The following MBNL3 variants were observed in gnomAD, a reference collection of about 807,000 sequenced individuals.
MBNL3 encodes the protein muscleblind-like protein 3.
MBNL3 carries 6 observed loss-of-function variants against 24.5 expected under a neutral mutation model. The ratio of observed to expected loss-of-function variants is 0.25; its 90% CI spans 0.13 to 0.48. The LOEUF (loss-of-function observed/expected upper bound fraction) is 0.48. Ranked by LOEUF, MBNL3 falls within the 20% of genes least tolerant of loss-of-function variation. MBNL3 has a pLI of 0.99. For synonymous variants in MBNL3, 100 were observed against 101.7 expected (o/e 0.98, Z 0.10); for missense variants, 230 against 293.5 (o/e 0.78, Z 1.58).
chrX:132,384,847 A>C, intron 6 of MBNL3, 149 bp from the exon 7 acceptor site: 3 of 425,786 alleles, frequency 7.0e-6, no homozygotes, highest in East Asian at 9.4e-5. Flanking sequence ...CATGTTTACA[A>C]TTACAGATTA....
intron 2 of MBNL3, chrX:132,431,764 C>A (rs1489018532): frequency 8.9e-6 from 1 of 112,089 alleles, no homozygotes. Flanking sequence ...AGATCAATAT[C>A]TATTCCTGTA....
intron 5 of MBNL3, among the ~76,000 whole-genome samples, chrX:132,387,275 A>G (rs1485039176): frequency 1.3e-5 from 1 of 78,673 alleles, no homozygotes; most frequent in Non-Finnish European, 2.7e-5. Flanking sequence ...CTGTCTCAAG[A>G]AAAAAAAAAA....
intron 1 of MBNL3, among the ~76,000 whole-genome samples, chrX:132,454,323 C>T (rs1414570581): frequency 9.0e-6 from 1 of 111,238 alleles, no homozygotes; most frequent in Non-Finnish European, 1.9e-5. Context: ...TCAAGTAATT[C>T]TCTAGTCAAA....
At chrX:132,446,642 T>C (rs1205305065) in intron 1 of MBNL3, among the ~76,000 whole-genome samples, 1 of 112,316 alleles carries the variant, frequency 8.9e-6, no homozygotes, top group Non-Finnish European at 1.9e-5. Flanking sequence ...CCTTGTAGAT[T>C]CTGGATATTA....
intron 2 of MBNL3, among the ~76,000 whole-genome samples, chrX:132,410,220 G>C (rs1942532596): frequency 8.9e-6 from 1 of 111,994 alleles, no homozygotes; most frequent in African/African-American, 3.3e-5. Context: ...CTTTAACTAA[G>C]AGAGAAAAGT....
intron 1 of MBNL3, among the ~76,000 whole-genome samples, chrX:132,451,775 T>C (rs1946124764): frequency 9.0e-6 from 1 of 111,481 alleles, no homozygotes; most frequent in African/African-American, 3.3e-5. Context: ...AGTTTTGTGC[T>C]TGAAACCCAG....
chrX:132,373,644 C>T lies in MBNL3; in HGVS notation c.*6022G>A, dbSNP rs777547635. On this transcript the variant is annotated 3_prime_UTR_variant, in exon 9 of 9. Coordinates refer to ENST00000370853, the MANE Select transcript of MBNL3 (RefSeq NM_001386889.1). The stretch of plus-strand genomic sequence containing the variant: ...GTTCCTTCTCTAGGTACTACAAGTA[C>T]CTGTAGTGATCAAATGCTTAACCTT... The T allele has an allele frequency of 8.9e-6, 1 of 111,736 alleles. No homozygotes were observed. The highest frequency in any genetic ancestry group is 1.9e-5 in the Non-Finnish European group (1 of 53,015). The allele number at this position is 111,736 out of a possible 1,213,427, so 9.2% of individuals were successfully genotyped here.
At chrX:132,403,616 C>T (rs1941311454) in intron 3 of MBNL3, among the ~76,000 whole-genome samples, 1 of 111,746 alleles carries the variant, frequency 8.9e-6, no homozygotes, top group South Asian at 3.8e-4. Flanking sequence ...CAATGGATTT[C>T]TTACTGGATT....
chrX:132,406,095 C>T, intron 3 of MBNL3, 133 bp downstream of exon 3: 2 of 736,211 alleles, frequency 2.7e-6, no homozygotes, highest in Admixed American at 4.8e-5. Flanking sequence ...TCTTCAAGTG[C>T]ACAGCTCTGT....
In MBNL3 at chrX:132,406,355, G is replaced by A. The variant is rs763210230; in HGVS notation, c.215C>T (p.Pro72Leu). The A allele has an allele frequency of 1.7e-6, 2 of 1,206,587 alleles. No homozygotes were observed. Among genetic ancestry groups the A allele is most frequent in the African/African-American group, 3.5e-5 (2 of 57,041 alleles). ...CTRENCKYLHPPPHLKTQLEI... is the reference protein window; with the variant it reads ...CTRENCKYLHLPPHLKTQLEI... Reference sequence around the variant, plus strand: ...CAGCTGCGTTTTTAAGTGTGGAGGAGGGTGAAGGTACTTGCAGTTCTCTCG... The same window carrying A: ...CAGCTGCGTTTTTAAGTGTGGAGGAAGGTGAAGGTACTTGCAGTTCTCTCG... Residue 72 changes from proline to leucine, a missense_variant, in exon 3 of 9, where the codon CCT (proline) becomes CTT (leucine). Coordinates refer to ENST00000370853, the MANE Select transcript of MBNL3 (RefSeq NM_001386889.1).
intron 2 of MBNL3, among the ~76,000 whole-genome samples, chrX:132,419,095 A>T (rs188544823): frequency 3.3e-4 from 37 of 112,968 alleles, no homozygotes; most frequent in Non-Finnish European, 1.3e-4. Flanking sequence ...AAATGTTAGA[A>T]ATAGCCTTCC....
At chrX:132,399,753 A>G (rs1435292064) in intron 3 of MBNL3, among the ~76,000 whole-genome samples, 2 of 108,572 alleles carry the variant, frequency 1.8e-5, no homozygotes, top group Non-Finnish European at 3.8e-5. Flanking sequence ...ACAGGTTTTT[A>G]TATAAGGTCT....
At chrX:132,391,534 G>A (rs2148117687) in intron 4 of MBNL3, among the ~76,000 whole-genome samples, 1 of 111,751 alleles carries the variant, frequency 8.9e-6, no homozygotes, top group East Asian at 2.8e-4. Flanking sequence ...GCATTTAAGC[G>A]GCTGCAAATG....
Position 132,371,670 on chromosome X carries a change from G to T in MBNL3, c.*7996C>A, listed in dbSNP as rs1933622126. 9.0e-6 allele frequency: 1 copy of T among 111,158 alleles called. No homozygotes were observed. Among genetic ancestry groups the T allele is most frequent in the Non-Finnish European group, 1.9e-5 (1 of 52,897 alleles). 9.2% of individuals were successfully genotyped at this position (111,158 alleles called of 1,213,427 possible). ...TAATGCATCTTAGAATATGCCTCAG[G>T]ATTTCTGAGGCACAAGAGAAACTAG... On this transcript the variant is annotated 3_prime_UTR_variant, in exon 9 of 9. Transcript: ENST00000370853.
chrX:132,418,733 G>C (rs1337560462), intron 2 of MBNL3, among the ~76,000 whole-genome samples: 1 of 112,384 alleles, frequency 8.9e-6, no homozygotes, highest in Non-Finnish European at 1.9e-5. Flanking sequence ...AATTGAATGT[G>C]TCAAGGCAAT....
chrX:132,480,457 A>C (rs1245737227), intron 1 of MBNL3, among the ~76,000 whole-genome samples: 2 of 112,094 alleles, frequency 1.8e-5, no homozygotes, highest in Non-Finnish European at 3.8e-5. Flanking sequence ...GCAGACGTTA[A>C]TGGCAAATTC....
At chrX:132,397,881 G>C (rs1385315187) in intron 3 of MBNL3, among the ~76,000 whole-genome samples, 1 of 110,944 alleles carries the variant, frequency 9.0e-6, no homozygotes, top group Non-Finnish European at 1.9e-5. Context: ...CAAAATGCAG[G>C]CTGCAGGAGA....
intron 2 of MBNL3, among the ~76,000 whole-genome samples, chrX:132,408,138 T>TTTTTTTTTTTTTTC (rs1942155665): frequency 1.6e-5 from 1 of 63,855 alleles, no homozygotes; most frequent in Non-Finnish European, 2.9e-5. Context: ...TTTTTTTTTT[T>TTTTTTTTTTTTTTC]TTTTTTTACC....
At chrX:132,404,043 C>T (rs1941390773) in intron 3 of MBNL3, among the ~76,000 whole-genome samples, 1 of 107,418 alleles carries the variant, frequency 9.3e-6, no homozygotes, top group Non-Finnish European at 1.9e-5. Flanking sequence ...CTTCTACTCT[C>T]TGTTTCTATG....
Sources: gnomAD v4.1 joint callset for allele counts (sites outside exome capture counted in the v4.1 genomes callset) on GRCh38, gnomAD v4.1.1 for gene constraint, MANE v1.5 for transcripts, NCBI Gene and HGNC (gene_info 2026-07-23, HGNC 2026-07-21) for gene names.